CEP162: variants seen among roughly 807,000 people sequenced by gnomAD.
CEP162 encodes centrosomal protein of 162 kDa.
CEP162 carries 141 observed loss-of-function variants against 169.2 expected under a neutral mutation model. The observed-to-expected ratio is 0.83, with a 90% CI of 0.73 to 0.96. CEP162 has a LOEUF of 0.96. Among genes scored for constraint, CEP162 ranks in the 40% least tolerant of loss-of-function variants. CEP162 has a pLI of 0.00. For missense variants in CEP162, 1,600 were observed against 1,587.2 expected, an observed-to-expected ratio of 1.01 and a Z score of -0.14; for synonymous variants, 540 against 526.4, an observed-to-expected ratio of 1.03 and a Z score of -0.35.
At chr6:84,205,640 T>C (rs1182819948) in intron 6 of CEP162, among the ~76,000 whole-genome samples, 2 of 152,098 alleles carry the variant, frequency 1.3e-5, no homozygotes, top group Non-Finnish European at 2.9e-5. Flanking sequence ...GCTGGAAGCA[T>C]TCCCTTTGAA....
intron 17 of CEP162, among the ~76,000 whole-genome samples, chr6:84,170,580 A>G (rs564501455): frequency 4.6e-4 from 70 of 152,142 alleles, no homozygotes; most frequent in African/African-American, 1.7e-3. Context: ...CCTGCCTCTT[A>G]GGCCCTAGGT....
intron 3 of CEP162, chr6:84,218,010 T>C (rs912471903): frequency 6.6e-6 from 1 of 152,198 alleles, no homozygotes; most frequent in African/African-American, 2.4e-5. Context: ...CAGTAACCAT[T>C]GGAGGTTACC....
At chr6:84,164,876 C>CA (rs548201683) in intron 18 of CEP162, among the ~76,000 whole-genome samples, 82 of 151,604 alleles carry the variant, frequency 5.4e-4, no homozygotes, top group Non-Finnish European at 8.3e-4. Flanking sequence ...CAAAACAAAA[C>CA]AAACAAAAAA....
rs1304980302 is a variant in CEP162, at chr6:84,124,785, T to G, written c.*285A>C. 5.4e-6 allele frequency: 2 copies of G among 373,424 alleles called. No individual in the cohort carries two copies. The highest frequency in any genetic ancestry group is 9.5e-6 in the Non-Finnish European group (2 of 210,474). 23.1% of individuals were successfully genotyped at this position (373,424 alleles called of 1,614,324 possible). On this transcript the variant is annotated 3_prime_UTR_variant, in exon 27 of 27. Coordinates refer to ENST00000403245, the MANE Select transcript of CEP162 (RefSeq NM_014895.4). ...AAAATGTGGCGGAGTATGTTCAATTTTCTTTTCTTTCTATTTCTAGCATAC... is the reference window on the plus strand; with the variant it reads ...AAAATGTGGCGGAGTATGTTCAATTGTCTTTTCTTTCTATTTCTAGCATAC...
intron 11 of CEP162, among the ~76,000 whole-genome samples, chr6:84,189,307 AGCCCCTTTCTGGGCTG>A (rs1049818934): frequency 5.3e-5 from 8 of 152,086 alleles, no homozygotes; most frequent in African/African-American, 1.9e-4. Flanking sequence ...GCACTGTGGG[AGCCCCTTTCTGGGCTG>A]GCCAAGGCCA....
intron 25 of CEP162, among the ~76,000 whole-genome samples, chr6:84,126,726 T>C (rs2099509072): frequency 6.6e-6 from 1 of 152,170 alleles, no homozygotes; most frequent in Non-Finnish European, 1.5e-5. Flanking sequence ...TCCGGATGAA[T>C]GGACCATCTT....
chr6:84,197,828 A>AAC (rs796855377), intron 9 of CEP162, among the ~76,000 whole-genome samples: 6,578 of 144,722 alleles, frequency 0.045, 479 homozygotes, highest in African/African-American at 0.17. Context: ...AACAAAACAA[A>AAC]AAAAAAAAAA....
chr6:84,206,219 C>T (rs1460162768), intron 6 of CEP162, among the ~76,000 whole-genome samples: 1 of 149,098 alleles, frequency 6.7e-6, no homozygotes, highest in Non-Finnish European at 1.5e-5. Context: ...GAAAAAACTA[C>T]TTTAAAGTTC....
intron 11 of CEP162, among the ~76,000 whole-genome samples, chr6:84,192,446 T>C (rs1363646462): frequency 2.0e-5 from 3 of 152,204 alleles, no homozygotes; most frequent in African/African-American, 7.2e-5. Flanking sequence ...AGTGGTACCA[T>C]CTCTCCTTTA....
chr6:84,177,986 C>CT (rs1158318321), intron 13 of CEP162, among the ~76,000 whole-genome samples: 3 of 152,184 alleles, frequency 2.0e-5, no homozygotes, highest in Admixed American at 1.3e-4. Context: ...AGTAAAGGCA[C>CT]TTAATAATGC....
intron 11 of CEP162, 143 bp downstream of exon 11, chr6:84,193,466 G>A (rs1175187850): frequency 4.2e-6 from 2 of 474,032 alleles, no homozygotes; most frequent in Non-Finnish European, 3.8e-6. Flanking sequence ...ACTTGAGTAA[G>A]GACAAATATA....
intron 2 of CEP162, among the ~76,000 whole-genome samples, chr6:84,221,875 C>T (rs910184100): frequency 2.6e-5 from 4 of 152,086 alleles, no homozygotes; most frequent in African/African-American, 9.7e-5. Context: ...CCAAGCAGAA[C>T]TTCTCTAGGT....
chr6:84,201,122 C>CA (rs777984199), intron 8 of CEP162, among the ~76,000 whole-genome samples: 1 of 152,054 alleles, frequency 6.6e-6, no homozygotes, highest in Non-Finnish European at 1.5e-5. Context: ...ATTAAAAATA[C>CA]AAAAAATTAG....
At chr6:84,125,368 CT>C in intron 26 of CEP162, 92 bp from the exon 27 acceptor site, 2 of 1,037,004 alleles carry the variant, frequency 1.9e-6, no homozygotes, top group South Asian at 2.7e-5. Flanking sequence ...CCTGGGGTTT[CT>C]TTGGGGAACT....
At chr6:84,194,368 G>A (rs9449832) in intron 10 of CEP162, among the ~76,000 whole-genome samples, 27,514 of 143,172 alleles carry the variant, frequency 0.19, 5,835 homozygotes, top group African/African-American at 0.54. Flanking sequence ...AAAAAAAAAA[G>A]AAAAGAAAAG....
chr6:84,156,110 C>CA lies in CEP162; in HGVS notation c.2782-601dup, dbSNP rs551558815. 5.9e-5 allele frequency among the ~76,000 whole-genome samples: 9 copies of CA among 151,910 alleles called. No individual in the cohort carries two copies. The South Asian group carries it at 1.9e-3, about 32-fold the overall frequency. ...ATCAACTGATCTTGGACAAAGTCAC[C>CA]AAAAAAATACACTAGGGAAAGGACA... On this transcript the variant is annotated intron_variant, in intron 21 of 26. Coordinates refer to ENST00000403245, the MANE Select transcript of CEP162 (RefSeq NM_014895.4).
chr6:84,131,130 G>A (rs975345143), intron 25 of CEP162, among the ~76,000 whole-genome samples: 4 of 152,128 alleles, frequency 2.6e-5, no homozygotes, highest in Non-Finnish European at 5.9e-5. Flanking sequence ...AGTCCTTCAG[G>A]AGCAGTGGTT....
At chr6:84,161,277 G>A (rs989682029) in intron 20 of CEP162, among the ~76,000 whole-genome samples, 10 of 152,184 alleles carry the variant, frequency 6.6e-5, no homozygotes, top group African/African-American at 2.2e-4. Context: ...CAAAGAACCA[G>A]AAGTTGAGGG....
At chr6:84,195,561 C>G (rs907652036) in intron 9 of CEP162, among the ~76,000 whole-genome samples, 1 of 152,202 alleles carries the variant, frequency 6.6e-6, no homozygotes, top group African/African-American at 2.4e-5. Flanking sequence ...TAATGACCAA[C>G]TCCATTTGTA....
Sources: gnomAD v4.1 joint callset for allele counts (sites outside exome capture counted in the v4.1 genomes callset) on GRCh38, gnomAD v4.1.1 for gene constraint, MANE v1.5 for transcripts, NCBI Gene and HGNC (gene_info 2026-07-23, HGNC 2026-07-21) for gene names.